The following MAPT variants were observed in gnomAD, a reference collection of about 807,000 sequenced individuals.
MAPT encodes microtubule associated protein tau, also known as microtubule-associated protein tau.
MAPT carries 34 observed loss-of-function variants against 67.9 expected under a neutral mutation model. The ratio of observed to expected loss-of-function variants is 0.50; its 90% CI spans 0.38 to 0.67. The LOEUF is 0.67. Among genes scored for constraint, MAPT ranks in the 30% least tolerant of loss-of-function variants. The pLI, the probability that MAPT is intolerant of heterozygous loss-of-function variation, is 0.00. For synonymous variants in MAPT, 456 were observed against 464.5 expected (o/e 0.98, Z 0.23); for missense variants, 881 against 1,115.2 (o/e 0.79, Z 2.99).
At chr17:45,993,785 C>A (rs936744317) in intron 8 of MAPT, 7 of 762,522 alleles carry the variant, frequency 9.2e-6, no homozygotes, top group Non-Finnish European at 1.3e-5. Flanking sequence ...TGGAGAGACC[C>A]TCCCCCTTGG....
At chr17:45,989,494 C>CAA (rs368506132) in intron 6 of MAPT, among the ~76,000 whole-genome samples, 1 of 151,746 alleles carries the variant, frequency 6.6e-6, no homozygotes. Context: ...ACTAAAAATA[C>CAA]AAAAAAACGA....
At chr17:45,917,783 T>A (rs1235263796) in intron 1 of MAPT, among the ~76,000 whole-genome samples, 1 of 112,316 alleles carries the variant, frequency 8.9e-6, no homozygotes, top group African/African-American at 2.7e-5. Flanking sequence ...TTTTTTTTTT[T>A]CTTTTTTTTT....
Position 45,916,809 on chromosome 17 carries a change from A to G in MAPT, c.-18+22123A>G, listed in dbSNP as rs75048303. Among the ~76,000 whole-genome samples the G allele has an allele frequency of 2.2e-4, 33 of 152,366 alleles. No individual in the cohort carries two copies. In the East Asian group the frequency reaches 6.0e-3, roughly 28 times the overall value. On this transcript the variant is annotated intron_variant, in intron 1 of 12. Coordinates refer to ENST00000262410, the MANE Select transcript of MAPT (RefSeq NM_001377265.1). ...CTTGAGAAATGTGGTAACTAAGCCC[A>G]GAGAGGTACAGTTAACCTCCCCAGA...
chr17:45,991,246 C>T (rs1001711987), intron 7 of MAPT, among the ~76,000 whole-genome samples: 1 of 152,148 alleles, frequency 6.6e-6, no homozygotes, highest in African/African-American at 2.4e-5. Context: ...AGGAAATGTC[C>T]TCAGGGAACT....
At chr17:45,927,652 C>A (rs1324039924) in intron 1 of MAPT, among the ~76,000 whole-genome samples, 1 of 152,078 alleles carries the variant, frequency 6.6e-6, no homozygotes, top group Non-Finnish European at 1.5e-5. Context: ...ACAAAACATA[C>A]CCCCTTCAGT....
rs776762438 is a variant in MAPT at position 45,989,883 on chromosome 17, C to T, written c.1413C>T (p.Ser471=). ...TGSDDKKAKT[S]TRSSAKTLKN... ...TATTTATGTTTATGTTTAAGACATC[C>T]ACACGTTCCTCTGCTAAAACCTTGA... is the stretch of plus-strand genomic sequence containing the variant. Residue 471 remains serine, a synonymous_variant, in exon 7 of 13, where the codon TCC becomes TCT. Transcript: ENST00000262410. The T allele has an allele frequency of 6.2e-7, 1 of 1,613,738 alleles. No individual in the cohort carries two copies. Among genetic ancestry groups the T allele is most frequent in the Non-Finnish European group, 8.5e-7 (1 of 1,179,684 alleles).
intron 12 of MAPT, among the ~76,000 whole-genome samples, chr17:46,023,710 A>G (rs981612158): frequency 1.3e-5 from 2 of 152,080 alleles, no homozygotes; most frequent in Admixed American, 1.3e-4. Flanking sequence ...GTGTGGTGGC[A>G]TGCACCTGTA....
At chr17:45,941,732 T>TTCCTGG (rs2068003622) in intron 1 of MAPT, among the ~76,000 whole-genome samples, 1 of 138,032 alleles carries the variant, frequency 7.2e-6, no homozygotes, top group Non-Finnish European at 1.6e-5. Context: ...CCTTCCTTCC[T>TTCCTGG]TCCTTCCTTC....
rs1345091551 is a variant in MAPT, at chr17:45,974,743, G to A, written c.220+2798G>A. 3.5e-5 allele frequency: 17 copies of A among 482,240 alleles called. No homozygotes were observed. The East Asian group carries it at 6.4e-4, about 18-fold the overall frequency. The allele number at this position is 482,240 out of a possible 1,614,324, so 29.9% of individuals were successfully genotyped here. ...TGCCTCAGTCAGCGCGTCAGTTCCA[G>A]AGACTTCTCTGCAGGGTTTTCTGGG... On this transcript the variant is annotated intron_variant, in intron 3 of 12. Coordinates refer to ENST00000262410, the MANE Select transcript of MAPT (RefSeq NM_001377265.1).
intron 1 of MAPT, among the ~76,000 whole-genome samples, chr17:45,903,870 A>ATTATATAT (rs1461218477): frequency 2.4e-5 from 1 of 42,162 alleles, no homozygotes; most frequent in Non-Finnish European, 4.5e-5. Context: ...TATATTATAT[A>ATTATATAT]TTATATATTT....
Position 45,996,800 on chromosome 17 carries a change from G to T in MAPT, c.1998+136G>T. ...GTGGGACTGTGCATGGAGGTGTGGG[G>T]CTCCCCGCACCTGAGCACCCCCGCA... On this transcript the variant is annotated intron_variant, in intron 9 of 12. Transcript: ENST00000262410. This position sits in a 1 kb window ranked among gnomAD's most constrained non-coding sequence, Gnocchi z 4.5. 7.9e-7 allele frequency: 1 copy of T among 1,263,958 alleles called. No individual in the cohort carries two copies. Among genetic ancestry groups the T allele is most frequent in the Non-Finnish European group, 1.1e-6 (1 of 922,688 alleles). 78.3% of individuals were successfully genotyped at this position (1,263,958 alleles called of 1,614,324 possible).
intron 1 of MAPT, among the ~76,000 whole-genome samples, chr17:45,927,219 A>C (rs2066426376): frequency 6.6e-6 from 1 of 152,136 alleles, no homozygotes; most frequent in Admixed American, 6.5e-5. Flanking sequence ...TGGAATGCTG[A>C]AAATCTAAAC....
At chr17:45,974,573 T>TG (rs140956014) in intron 3 of MAPT, 11 of 921,120 alleles carry the variant, frequency 1.2e-5, no homozygotes, top group Middle Eastern at 2.9e-4. Flanking sequence ...TATCCTCCTG[T>TG]GGGGCAGGAA....
intron 5 of MAPT, among the ~76,000 whole-genome samples, 169 bp from the exon 6 acceptor site, chr17:45,986,871 C>T (rs1450489952): frequency 6.6e-6 from 1 of 152,216 alleles, no homozygotes; most frequent in East Asian, 1.9e-4. Flanking sequence ...TTGATACTAA[C>T]AATGCGAGGC....
At chr17:45,904,248 T>TAAATATATAA (rs2064067158) in intron 1 of MAPT, among the ~76,000 whole-genome samples, 1 of 48,834 alleles carries the variant, frequency 2.0e-5, no homozygotes, top group African/African-American at 7.1e-5. Context: ...ATAATATATA[T>TAAATATATAA]TATATATTAT....
intron 1 of MAPT, chr17:45,910,654 T>G (rs1330053348): frequency 7.1e-6 from 1 of 141,210 alleles, no homozygotes; most frequent in Admixed American, 7.4e-5. Flanking sequence ...AATCAACAGA[T>G]GGCTTTTTCC....
chr17:45,901,281 T>C (rs1006088864), intron 1 of MAPT, among the ~76,000 whole-genome samples: 2 of 152,188 alleles, frequency 1.3e-5, no homozygotes. Context: ...CCGCCAGCCA[T>C]CCCGGGCAGG....
intron 3 of MAPT, chr17:45,974,875 C>A (rs943573720): frequency 3.9e-6 from 1 of 254,484 alleles, no homozygotes; most frequent in Non-Finnish European, 7.8e-6. Context: ...CCCAAGATCA[C>A]CTGAGCGCAC....
At chr17:45,918,887 G>C (rs988341866) in intron 1 of MAPT, among the ~76,000 whole-genome samples, 1 of 152,024 alleles carries the variant, frequency 6.6e-6, no homozygotes, top group African/African-American at 2.4e-5. Flanking sequence ...GTGAAACCCT[G>C]TCTCTTCTAA....
Sources: gnomAD v4.1 joint callset for allele counts (sites outside exome capture counted in the v4.1 genomes callset) on GRCh38, gnomAD v4.1.1 for gene constraint, Gnocchi (gnomAD v3.1) non-coding constraint, MANE v1.5 for transcripts, NCBI Gene and HGNC (gene_info 2026-07-23, HGNC 2026-07-21) for gene names.